SMC4: variants seen among roughly 807,000 people sequenced by gnomAD.
SMC4 encodes structural maintenance of chromosomes 4.
SMC4 carries 87 observed loss-of-function variants against 145.6 expected under a neutral mutation model. The ratio of observed to expected loss-of-function variants is 0.60; its 90% CI spans 0.50 to 0.71. The LOEUF (loss-of-function observed/expected upper bound fraction) is 0.71. SMC4 is among the 30% of genes least tolerant of loss of function. The probability of loss-of-function intolerance (pLI) is 0.00; values close to 1 mark genes in which losing one functional copy is unlikely to be tolerated. For synonymous variants in SMC4, 558 were observed against 500.7 expected, an observed-to-expected ratio of 1.11 and a Z score of -1.53; for missense variants, 1,447 against 1,537.1, an observed-to-expected ratio of 0.94 and a Z score of 0.98.
chr3:160,428,320 C>T (rs1718019882), intron 17 of SMC4, among the ~76,000 whole-genome samples: 1 of 152,166 alleles, frequency 6.6e-6, no homozygotes, highest in Admixed American at 6.5e-5. Context: ...TTATATCCTC[C>T]ACTTTGTTTT....
intron 5 of SMC4, among the ~76,000 whole-genome samples, chr3:160,409,648 C>A (rs971280487): frequency 1.3e-5 from 2 of 152,110 alleles, no homozygotes; most frequent in African/African-American, 4.8e-5. Flanking sequence ...AATGTAAGTT[C>A]TTTTGGGATG....
At chr3:160,424,284 T>C (rs956919160) in intron 15 of SMC4, among the ~76,000 whole-genome samples, 1 of 152,204 alleles carries the variant, frequency 6.6e-6, no homozygotes, top group African/African-American at 2.4e-5. Context: ...TTGAACACCT[T>C]TTCCCAAAGT....
chr3:160,417,796 C>G lies in SMC4; in HGVS notation c.1511C>G (p.Ser504Ter). The change falls in exon 11 of 24, where the codon TCA becomes TGA. Residue 504 changes from serine (S) to a stop codon, truncating the protein, a stop_gained. Coordinates refer to ENST00000357388, the MANE Select transcript of SMC4 (RefSeq NM_001002800.3). LOFTEE classifies it high-confidence loss of function. The part of the protein sequence containing the change: ...EARSKMDVAQ[S>*]ELDIYLSRHN... Reference sequence around the variant, plus strand: ...CGTTCAAAGATGGATGTAGCCCAGTCAGAACTTGATATCTATCTCAGTCGT... The same window carrying G: ...CGTTCAAAGATGGATGTAGCCCAGTGAGAACTTGATATCTATCTCAGTCGT... The G allele has an allele frequency of 1.9e-6, 3 of 1,613,616 alleles. No homozygotes were observed. Among genetic ancestry groups the G allele is most frequent in the Non-Finnish European group, 2.5e-6 (3 of 1,179,824 alleles).
chr3:160,421,408 G>A (rs1460991248), intron 13 of SMC4, among the ~76,000 whole-genome samples: 2 of 152,102 alleles, frequency 1.3e-5, no homozygotes, highest in Non-Finnish European at 2.9e-5. Context: ...ACATTCCAGA[G>A]TTAAAAGGAA....
intron 13 of SMC4, among the ~76,000 whole-genome samples, chr3:160,421,912 CACTA>C (rs376050413): frequency 1.3e-4 from 20 of 152,294 alleles, no homozygotes; most frequent in African/African-American, 4.3e-4. Context: ...CCCTCCGTAA[CACTA>C]ACTACTTTTT....
chr3:160,425,770 T>C (rs990815177), intron 16 of SMC4, among the ~76,000 whole-genome samples: 14 of 152,212 alleles, frequency 9.2e-5, no homozygotes, highest in Non-Finnish European at 8.8e-5. Context: ...TCAAAAGTTA[T>C]AATTCATGCA....
At chr3:160,400,996 G>C in intron 2 of SMC4, 31 bp downstream of exon 2, 2 of 1,374,476 alleles carry the variant, frequency 1.5e-6, no homozygotes, top group Non-Finnish European at 1.9e-6. Context: ...CGGCGGGAAC[G>C]CGCGCTGTGG....
chr3:160,430,830 G>T (rs962850862), intron 19 of SMC4, 87 bp downstream of exon 19: 1 of 1,426,794 alleles, frequency 7.0e-7, no homozygotes, highest in Admixed American at 2.5e-5. Flanking sequence ...CTAGAATGTA[G>T]TAAGCACTCA....
At chr3:160,431,282 G>A in intron 20 of SMC4, 77 bp downstream of exon 20, 2 of 1,243,858 alleles carry the variant, frequency 1.6e-6, no homozygotes, top group Non-Finnish European at 2.2e-6. Flanking sequence ...ATTGTTTTAG[G>A]GGGTTGGGGT....
At position 160,430,647 on chromosome 3, in the gene SMC4, A is replaced by G; in HGVS notation, c.2844A>G (p.Ile948Met). 4 of 1,613,680 alleles carry G rather than the reference A, an allele frequency of 2.5e-6. No individual in the cohort carries two copies. Among genetic ancestry groups the G allele is most frequent in the Non-Finnish European group, 3.4e-6 (4 of 1,179,792 alleles). ...CTGTCTTGCGTACAGAGAAAGAAAT[A>G]AAAGATACTGAGAAAGAGGTGGATG... ...QDSVLRTEKEIKDTEKEVDDL... is the reference protein window; with the variant it reads ...QDSVLRTEKEMKDTEKEVDDL... Residue 948 changes from isoleucine to methionine, a missense_variant, in exon 19 of 24, where the codon ATA becomes ATG. Physicochemically the swap from Ile to Met is conservative, Grantham distance 10. Coordinates refer to ENST00000357388, the MANE Select transcript of SMC4 (RefSeq NM_001002800.3).
At position 160,420,953 on chromosome 3, in the gene SMC4, G is replaced by T. The variant is rs533217561; in HGVS notation, c.2019+52G>T. The T allele has an allele frequency of 2.3e-5, 33 of 1,433,916 alleles. No individual in the cohort carries two copies. In the African/African-American group the frequency reaches 4.5e-4, roughly 19 times the overall value. The allele number at this position is 1,433,916 out of a possible 1,614,324, so 88.8% of individuals were successfully genotyped here. ...AATTGGAATTTTTTTTTTTTGAGAC[G>T]TAGTCTCGCTCTGTCACCCAGGCTG... On this transcript the variant is annotated intron_variant, in intron 13 of 23. Coordinates refer to ENST00000357388, the MANE Select transcript of SMC4 (RefSeq NM_001002800.3).
In SMC4 at chr3:160,406,393, C is replaced by T. The variant is rs573197294; in HGVS notation, c.687+1889C>T. On this transcript the variant is annotated intron_variant, in intron 5 of 23. Transcript: ENST00000357388. ...CTTTGAGGGAAAGTGACAATGGTTT[C>T]TATGGATTGTTTTTTTTAAGTCGCT... is the stretch of plus-strand genomic sequence containing the variant. Among the ~76,000 whole-genome samples, 18 of 152,094 alleles carry T rather than the reference C, an allele frequency of 1.2e-4. No homozygotes were observed. The South Asian group carries it at 3.5e-3, about 30-fold the overall frequency.
chr3:160,424,208 G>C (rs189749172), intron 15 of SMC4, among the ~76,000 whole-genome samples: 1 of 152,160 alleles, frequency 6.6e-6, no homozygotes, highest in Admixed American at 6.5e-5. Context: ...GCAAAGACTT[G>C]ATGCAAATCT....
chr3:160,411,545 A>G (rs749350843), intron 5 of SMC4, among the ~76,000 whole-genome samples: 1 of 152,196 alleles, frequency 6.6e-6, no homozygotes, highest in African/African-American at 2.4e-5. Flanking sequence ...TAATGTTTCC[A>G]CTATAATCAG....
At chr3:160,420,717 T>G (rs762146383) in intron 12 of SMC4, 23 bp from the exon 13 acceptor site, 2 of 1,605,088 alleles carry the variant, frequency 1.2e-6, no homozygotes, top group African/African-American at 2.7e-5. Context: ...TAACTCTTTT[T>G]TCACCCCACT....
chr3:160,431,554 A>G lies in SMC4; in HGVS notation c.3115-89A>G, dbSNP rs1055782851. The G allele has an allele frequency of 1.3e-5, 13 of 1,003,978 alleles. No homozygotes were observed. The African/African-American group carries it at 2.1e-4, about 16-fold the overall frequency. 62.2% of individuals were successfully genotyped at this position (1,003,978 alleles called of 1,614,324 possible). On this transcript the variant is annotated intron_variant, in intron 20 of 23. Transcript: ENST00000357388. ...CAGTCACAACTCCTGTTGTTTTCATAGCTGTGTAATTTGTCATATTTTTTT... is the reference window on the plus strand; with the variant it reads ...CAGTCACAACTCCTGTTGTTTTCATGGCTGTGTAATTTGTCATATTTTTTT...
chr3:160,424,668 G>T (rs766636804), intron 15 of SMC4, among the ~76,000 whole-genome samples, 199 bp from the exon 16 acceptor site: 2 of 152,140 alleles, frequency 1.3e-5, no homozygotes, highest in African/African-American at 2.4e-5. Context: ...TTAGCCGGGC[G>T]TGGTGGCACG....
intron 17 of SMC4, among the ~76,000 whole-genome samples, chr3:160,426,600 T>A (rs571228741): frequency 6.6e-6 from 1 of 151,956 alleles, no homozygotes; most frequent in East Asian, 2.0e-4. Flanking sequence ...AAACTTAAAA[T>A]ATATATATAT....
chr3:160,433,719 G>A lies in SMC4; in HGVS notation c.3777G>A (p.Ser1259=), dbSNP rs751695413. 19 of 1,586,086 alleles carry A rather than the reference G, an allele frequency of 1.2e-5. No individual in the cohort carries two copies. The highest frequency in any genetic ancestry group is 3.5e-5 in the South Asian group (3 of 85,988). Residue 1259 remains serine, a synonymous_variant, in exon 24 of 24, where the codon TCG becomes TCA. Coordinates refer to ENST00000357388, the MANE Select transcript of SMC4 (RefSeq NM_001002800.3). The stretch of plus-strand genomic sequence containing the variant: ...TTCGAAATAATATGTTTGAGATTTC[G>A]GATAGACTTATTGGAATTTACAAGA... ...ISLRNNMFEI[S]DRLIGIYKTY...
Sources: allele counts gnomAD v4.1 joint callset (sites outside exome capture counted in the v4.1 genomes callset), GRCh38; gene constraint gnomAD v4.1.1; transcripts MANE v1.5; gene names NCBI Gene and HGNC (gene_info 2026-07-23, HGNC 2026-07-21).